Variants in TRPM3 observed in about 807,000 individuals in gnomAD.
TRPM3 encodes long transient receptor potential channel 3.
A neutral mutation model predicts 181.2 loss-of-function variants in TRPM3; 77 were observed. The observed-to-expected ratio is 0.42, with a 90% CI of 0.35 to 0.51. The LOEUF (loss-of-function observed/expected upper bound fraction) is 0.51, where lower values mean the gene tolerates loss of function less well. TRPM3 is among the 20% of genes least tolerant of loss of function. The pLI, the probability that TRPM3 is intolerant of heterozygous loss-of-function variation, is 0.01. For synonymous variants in TRPM3, 745 were observed against 796.4 expected, an observed-to-expected ratio of 0.94 and a Z score of 1.09; for missense variants, 1,759 against 2,196.7, an observed-to-expected ratio of 0.80 and a Z score of 3.98.
intron 1 of TRPM3, among the ~76,000 whole-genome samples, chr9:70,993,132 A>G (rs986817895): frequency 6.6e-6 from 1 of 152,152 alleles, no homozygotes; most frequent in African/African-American, 2.4e-5. Context: ...TCTGTAAACC[A>G]ATGTAAGGAG....
Position 70,974,335 on chromosome 9 carries a change from C to T in TRPM3, c.178-109824G>A, listed in dbSNP as rs562194470. On this transcript the variant is annotated intron_variant, in intron 1 of 25. Transcript: ENST00000677713. ...CGGGGGGATCACGAGGTCAGGAGAT[C>T]GAGACCAGCCTGGCTAACACGGTGA... is the stretch of plus-strand genomic sequence containing the variant. 1.4e-4 allele frequency among the ~76,000 whole-genome samples: 21 copies of T among 152,142 alleles called. No homozygotes were observed. The South Asian group carries it at 1.9e-3, about 14-fold the overall frequency.
chr9:71,261,320 C>T (rs922306731), intron 1 of TRPM3, among the ~76,000 whole-genome samples: 1 of 152,168 alleles, frequency 6.6e-6, no homozygotes, highest in African/African-American at 2.4e-5. Context: ...GTGTATGCTT[C>T]ACGAAGTTCT....
At chr9:70,822,370 T>C (rs143766846) in intron 6 of TRPM3, among the ~76,000 whole-genome samples, 14 of 152,342 alleles carry the variant, frequency 9.2e-5, no homozygotes, top group Admixed American at 6.5e-4. Context: ...TGCATCACTC[T>C]TGAAGTGTCT....
At chr9:70,676,240 GAGGAC>G in intron 9 of TRPM3, among the ~76,000 whole-genome samples, 1 of 152,290 alleles carries the variant, frequency 6.6e-6, no homozygotes, top group Non-Finnish European at 1.5e-5. Flanking sequence ...CTCATTTATG[GAGGAC>G]AGTGATCATC....
At chr9:70,793,067 A>C (rs186500900) in intron 6 of TRPM3, among the ~76,000 whole-genome samples, 2 of 152,326 alleles carry the variant, frequency 1.3e-5, no homozygotes, top group Admixed American at 1.3e-4. Context: ...TTAAAAATAT[A>C]AAATAACTTC....
intron 22 of TRPM3, among the ~76,000 whole-genome samples, chr9:70,583,979 T>C (rs1344146371): frequency 6.6e-6 from 1 of 152,172 alleles, no homozygotes; most frequent in African/African-American, 2.4e-5. Context: ...CTGTTCCCTT[T>C]TTCTCCTTTT....
intron 1 of TRPM3, among the ~76,000 whole-genome samples, chr9:71,154,527 G>A (rs1565282955): frequency 6.6e-6 from 1 of 151,984 alleles, no homozygotes; most frequent in South Asian, 2.1e-4. Context: ...AATATATTTG[G>A]GTAGACTAAA....
At chr9:70,859,995 G>C (rs1384057861) in intron 3 of TRPM3, among the ~76,000 whole-genome samples, 1 of 152,168 alleles carries the variant, frequency 6.6e-6, no homozygotes, top group Non-Finnish European at 1.5e-5. Flanking sequence ...GAACAGAGTT[G>C]ATTGTGGACT....
intron 1 of TRPM3, among the ~76,000 whole-genome samples, chr9:71,053,098 A>G (rs2060249787): frequency 6.7e-6 from 1 of 148,976 alleles, no homozygotes; most frequent in African/African-American, 2.4e-5. Context: ...TAAGGAAAAA[A>G]AAAAAAAAAA....
intron 22 of TRPM3, among the ~76,000 whole-genome samples, chr9:70,574,110 A>G (rs750067761): frequency 2.0e-5 from 3 of 151,746 alleles, no homozygotes; most frequent in Non-Finnish European, 4.4e-5. Context: ...ACACACACAC[A>G]CTACTAACAC....
chr9:71,227,629 A>G (rs1053945382), intron 1 of TRPM3, among the ~76,000 whole-genome samples: 18 of 152,114 alleles, frequency 1.2e-4, no homozygotes, highest in African/African-American at 4.3e-4. Context: ...CCAAATAAAA[A>G]AAAATCAGAA....
chr9:71,243,617 A>G (rs879306201), intron 1 of TRPM3, among the ~76,000 whole-genome samples: 1 of 152,224 alleles, frequency 6.6e-6, no homozygotes, highest in Non-Finnish European at 1.5e-5. Context: ...AGTACTCAAT[A>G]AATATATTTT....
At chr9:70,863,365 T>C (rs1252130211) in intron 2 of TRPM3, among the ~76,000 whole-genome samples, 1 of 152,134 alleles carries the variant, frequency 6.6e-6, no homozygotes, top group Non-Finnish European at 1.5e-5. Context: ...CCCTTCTCCG[T>C]CCACCTCTTT....
At chr9:70,581,485 G>A (rs1235566920) in intron 22 of TRPM3, among the ~76,000 whole-genome samples, 1 of 152,256 alleles carries the variant, frequency 6.6e-6, no homozygotes, top group Non-Finnish European at 1.5e-5. Context: ...TGAGGTTGCA[G>A]GCTTATTTGG....
intron 8 of TRPM3, among the ~76,000 whole-genome samples, chr9:70,698,946 AC>A (rs1156317824): frequency 6.6e-6 from 1 of 151,936 alleles, no homozygotes; most frequent in African/African-American, 2.4e-5. Flanking sequence ...AGCCAATTAA[AC>A]CTCTGTTCTT....
intron 1 of TRPM3, among the ~76,000 whole-genome samples, chr9:70,953,534 G>C (rs919307563): frequency 2.6e-5 from 4 of 152,058 alleles, no homozygotes; most frequent in Non-Finnish European, 5.9e-5. Context: ...TATAATTTTT[G>C]AGAAACTTGA....
rs549225480 is a variant in TRPM3 at position 71,357,463 on chromosome 9, T to C, written c.183+89190A>G. Among the ~76,000 whole-genome samples, 7 of 152,266 alleles carry C rather than the reference T, an allele frequency of 4.6e-5. No homozygotes were observed. The South Asian group carries it at 1.4e-3, about 32-fold the overall frequency. On this transcript the variant is annotated intron_variant, in intron 1 of 24. Transcript: ENST00000357533. ...CAGACACGTTTTATTGTACTGAAAT[T>C]CGTAGCAGTTCTCTCCATTGCATAC...
chr9:70,554,001 T>C (rs1413855453), intron 22 of TRPM3, among the ~76,000 whole-genome samples: 1 of 149,590 alleles, frequency 6.7e-6, no homozygotes, highest in Non-Finnish European at 1.5e-5. Flanking sequence ...GCATTTCCAT[T>C]CCAAAAGTGT....
intron 1 of TRPM3, among the ~76,000 whole-genome samples, chr9:71,434,311 A>C (rs771725274): frequency 6.6e-6 from 1 of 152,188 alleles, no homozygotes; most frequent in Non-Finnish European, 1.5e-5. Flanking sequence ...TGGAGCCCTC[A>C]AGAATGGGAT....
Sources: gnomAD v4.1 joint callset for allele counts (sites outside exome capture counted in the v4.1 genomes callset) on GRCh38, gnomAD v4.1.1 for gene constraint, MANE v1.5 for transcripts, NCBI Gene and HGNC (gene_info 2026-07-23, HGNC 2026-07-21) for gene names.